CLEC2D: variants seen among roughly 807,000 people sequenced by gnomAD.
CLEC2D encodes the protein C-type lectin domain family 2 member D.
CLEC2D carries 16 observed loss-of-function variants against 20.0 expected under a neutral mutation model. The observed-to-expected ratio is 0.80, with a 90% CI of 0.54 to 1.22. CLEC2D has a LOEUF of 1.22. Ranked by LOEUF, CLEC2D falls within the 50% of genes most tolerant of loss-of-function variation. The pLI, the probability that CLEC2D is intolerant of heterozygous loss-of-function variation, is 0.00. For missense variants in CLEC2D, 207 were observed against 221.5 expected, an observed-to-expected ratio of 0.93 and a Z score of 0.42; for synonymous variants, 77 against 71.1, an observed-to-expected ratio of 1.08 and a Z score of -0.42.
rs1434505423 is a variant in CLEC2D, at chr12:9,695,168, G to A, written c.*294G>A. On this transcript the variant is annotated 3_prime_UTR_variant, in exon 5 of 5. Transcript: ENST00000290855. ...ATGGCTGGGGAGGTCTTGCAATCAT[G>A]ACAGAAGGCAAATGGGAAGCAAAGT... is the stretch of plus-strand genomic sequence containing the variant. 1.7e-6 allele frequency: 1 copy of A among 585,246 alleles called. No individual in the cohort carries two copies. Among genetic ancestry groups the A allele is most frequent in the Non-Finnish European group, 3.0e-6 (1 of 328,544 alleles). The allele number at this position is 585,246 out of a possible 1,614,324, so 36.3% of individuals were successfully genotyped here.
At chr12:9,692,754 G>A (rs1168358984) in intron 3 of CLEC2D, 74 bp from the exon 4 acceptor site, 8 of 958,148 alleles carry the variant, frequency 8.3e-6, no homozygotes, top group African/African-American at 1.7e-5. Flanking sequence ...TAAGAATATA[G>A]CATAGCAGCA....
Position 9,690,226 on chromosome 12 carries a change from A to G in CLEC2D, c.357+2140A>G, listed in dbSNP as rs747481495. Among the ~76,000 whole-genome samples the G allele has an allele frequency of 1.8e-4, 28 of 152,258 alleles. 1 individual carries two copies. The South Asian group carries it at 5.0e-3, about 27-fold the overall frequency. ...TGGCATATTTAAATGTCTGAAAGAAAAAATAAAACTGCCAACCATGAATTC... is the reference window on the plus strand; with the variant it reads ...TGGCATATTTAAATGTCTGAAAGAAGAAATAAAACTGCCAACCATGAATTC... On this transcript the variant is annotated intron_variant, in intron 3 of 4. Coordinates refer to ENST00000290855, the MANE Select transcript of CLEC2D (RefSeq NM_013269.6).
At chr12:9,681,479 T>C (rs1194735043) in intron 2 of CLEC2D, among the ~76,000 whole-genome samples, 1 of 152,206 alleles carries the variant, frequency 6.6e-6, no homozygotes, top group Non-Finnish European at 1.5e-5. Flanking sequence ...TTTGAGCATG[T>C]TCTGGCCCTT....
At chr12:9,686,297 C>T (rs1391156388) in intron 2 of CLEC2D, among the ~76,000 whole-genome samples, 1 of 151,914 alleles carries the variant, frequency 6.6e-6, no homozygotes, top group Non-Finnish European at 1.5e-5. Flanking sequence ...TCTAATCAGC[C>T]ATCTTGCCCT....
chr12:9,685,132 T>G (rs1312478653), intron 2 of CLEC2D, among the ~76,000 whole-genome samples: 1 of 152,198 alleles, frequency 6.6e-6, no homozygotes, highest in Non-Finnish European at 1.5e-5. Flanking sequence ...TCCAGGAATT[T>G]ATCCATTTCT....
At position 9,695,307 on chromosome 12, in the gene CLEC2D, T is replaced by C. The variant is rs1246799774; in HGVS notation, c.*433T>C. On this transcript the variant is annotated 3_prime_UTR_variant, in exon 5 of 5. Coordinates refer to ENST00000290855, the MANE Select transcript of CLEC2D (RefSeq NM_013269.6). ...GGGGCTCCCTGGTGTGATTCCGTCC[T>C]GCGCGGCTGTTCTCTGGAGCAGCAT... 2.6e-6 allele frequency: 2 copies of C among 780,092 alleles called. No individual in the cohort carries two copies. The highest frequency in any genetic ancestry group is 5.0e-5 in the East Asian group (2 of 40,368). 48.3% of individuals were successfully genotyped at this position (780,092 alleles called of 1,614,324 possible).
intron 2 of CLEC2D, among the ~76,000 whole-genome samples, chr12:9,687,217 A>C (rs1865767985): frequency 6.6e-6 from 1 of 152,210 alleles, no homozygotes; most frequent in South Asian, 2.1e-4. Context: ...AGTTTTTCTG[A>C]AAGTAGATGG....
At chr12:9,671,606 A>T (rs1228281812) in intron 1 of CLEC2D, among the ~76,000 whole-genome samples, 1 of 152,244 alleles carries the variant, frequency 6.6e-6, no homozygotes, top group African/African-American at 2.4e-5. Context: ...TTTGAGGCAC[A>T]TGAGAATGTA....
At chr12:9,673,493 G>A (rs1246364870) in intron 1 of CLEC2D, among the ~76,000 whole-genome samples, 7 of 152,356 alleles carry the variant, frequency 4.6e-5, no homozygotes, top group African/African-American at 1.4e-4. Context: ...TGAGGTGTCT[G>A]GTGACCCTTG....
Position 9,698,564 on chromosome 12 carries a change from T to C in CLEC2D, c.*3690T>C, listed in dbSNP as rs780068343. Reference sequence around the variant, plus strand: ...AAACTGTAAAACTACTAAAAGAAAATATAGGGAGAAAGCTTCACAACGTTG... The same window carrying C: ...AAACTGTAAAACTACTAAAAGAAAACATAGGGAGAAAGCTTCACAACGTTG... On this transcript the variant is annotated 3_prime_UTR_variant, in exon 5 of 5. Transcript: ENST00000290855. 5.3e-5 allele frequency: 8 copies of C among 151,626 alleles called. No individual in the cohort carries two copies. The highest frequency in any genetic ancestry group is 8.8e-5 in the Non-Finnish European group (6 of 67,928). 9.4% of individuals were successfully genotyped at this position (151,626 alleles called of 1,614,324 possible). A position where few individuals can be genotyped will look rare whatever the true frequency, so the allele number is the denominator to read the frequency against.
At chr12:9,674,093 TG>T (rs1865475706) in intron 1 of CLEC2D, 2 of 152,346 alleles carry the variant, frequency 1.3e-5, no homozygotes, top group Admixed American at 1.3e-4. Context: ...TCCATGGGAC[TG>T]GATGGTTCTC....
Position 9,699,397 on chromosome 12 carries a change from A to G in CLEC2D, c.*4523A>G, listed in dbSNP as rs1214060785. On this transcript the variant is annotated 3_prime_UTR_variant, in exon 5 of 5. Transcript: ENST00000290855. ...GGAAATTTCTTTTTTCCTTAAGCTT[A>G]ATTGAAATGTTTACTTTTCAGTAAA... 1 of 152,304 alleles carries G rather than the reference A, an allele frequency of 6.6e-6. No homozygotes were observed. The highest frequency in any genetic ancestry group is 1.9e-4 in the East Asian group (1 of 5,190). The allele number at this position is 152,304 out of a possible 1,614,324, so 9.4% of individuals were successfully genotyped here. A position where few individuals can be genotyped will look rare whatever the true frequency, so the allele number is the denominator to read the frequency against.
intron 1 of CLEC2D, among the ~76,000 whole-genome samples, chr12:9,677,042 C>CT (rs1204671170): frequency 5.4e-5 from 6 of 110,778 alleles, no homozygotes; most frequent in African/African-American, 2.2e-4. Context: ...GAGCCTTATC[C>CT]ATTTTTTTTT....
intron 3 of CLEC2D, among the ~76,000 whole-genome samples, chr12:9,689,916 G>C (rs1865829005): frequency 6.6e-6 from 1 of 152,046 alleles, no homozygotes; most frequent in African/African-American, 2.4e-5. Context: ...ATCCAGGAAA[G>C]AGAAGAGAAA....
intron 1 of CLEC2D, among the ~76,000 whole-genome samples, chr12:9,674,871 A>T (rs1865491037): frequency 6.6e-6 from 1 of 152,184 alleles, no homozygotes; most frequent in Non-Finnish European, 1.5e-5. Context: ...ATTATATTTA[A>T]AAAGTCATCA....
Position 9,695,892 on chromosome 12 carries a change from T to TGAC in CLEC2D, c.*1021_*1023dup, listed in dbSNP as rs1555109225. The TGAC allele has an allele frequency of 5.2e-5, 57 of 1,103,254 alleles. No individual in the cohort carries two copies. Among genetic ancestry groups the TGAC allele is most frequent in the Non-Finnish European group, 5.8e-5 (42 of 729,524 alleles). 68.3% of individuals were successfully genotyped at this position (1,103,254 alleles called of 1,614,324 possible). On this transcript the variant is annotated 3_prime_UTR_variant, in exon 5 of 5. Coordinates refer to ENST00000290855, the MANE Select transcript of CLEC2D (RefSeq NM_013269.6). Reference sequence around the variant, plus strand: ...ATGATGAAGATGATGATGATGATGATGACGAGGAAGCTGAAGAAAAAGCGC... The same window carrying TGAC: ...ATGATGAAGATGATGATGATGATGATGACGACGAGGAAGCTGAAGAAAAAGCGC...
chr12:9,693,674 T>C lies in CLEC2D; in HGVS notation c.461+743T>C, dbSNP rs565990484. The C allele has an allele frequency of 1.7e-3, 474 of 271,908 alleles. 4 individuals carry two copies. The highest frequency in any genetic ancestry group is 7.7e-3 in the South Asian group (250 of 32,396). The allele number at this position is 271,908 out of a possible 1,614,324, so 16.8% of individuals were successfully genotyped here. ...TTTAGAAATCAGAGAACATGTACAT[T>C]TATACATTGTTGTATCTACACTGCC... On this transcript the variant is annotated intron_variant, in intron 4 of 4. Coordinates refer to ENST00000290855, the MANE Select transcript of CLEC2D (RefSeq NM_013269.6).
At position 9,696,328 on chromosome 12, in the gene CLEC2D, C is replaced by T. The variant is rs1865993231; in HGVS notation, c.*1454C>T. 3 of 587,210 alleles carry T rather than the reference C, an allele frequency of 5.1e-6. No homozygotes were observed. 36.4% of individuals were successfully genotyped at this position (587,210 alleles called of 1,614,324 possible). A position where few individuals can be genotyped will look rare whatever the true frequency, so the allele number is the denominator to read the frequency against. On this transcript the variant is annotated 3_prime_UTR_variant, in exon 5 of 5. Transcript: ENST00000290855. ...TCCTTTTTATAGTGCAGAGTGAGAA[C>T]TTTCCCTACCATGTTTGATAAATGT... is the stretch of plus-strand genomic sequence containing the variant.
Position 9,692,526 on chromosome 12 carries a change from C to T in CLEC2D, c.358-302C>T, listed in dbSNP as rs1323295017. ...AAGAATGTCATAGTAGCATACATTC[C>T]AAACTTGATAAAACCCTGGTGTCAA... On this transcript the variant is annotated intron_variant, in intron 3 of 4. Transcript: ENST00000290855. 3.3e-5 allele frequency among the ~76,000 whole-genome samples: 5 copies of T among 152,066 alleles called. No individual in the cohort carries two copies. The East Asian group carries it at 9.6e-4, about 29-fold the overall frequency.
Sources: gnomAD v4.1 joint callset for allele counts (sites outside exome capture counted in the v4.1 genomes callset) on GRCh38, gnomAD v4.1.1 for gene constraint, MANE v1.5 for transcripts, NCBI Gene and HGNC (gene_info 2026-07-23, HGNC 2026-07-21) for gene names.